FBXO31: variants seen among roughly 807,000 people sequenced by gnomAD.
FBXO31 encodes the protein F-box protein 31, also known as F-box only protein 31.
FBXO31 carries 24 observed loss-of-function variants against 54.4 expected under a neutral mutation model. That is an observed-to-expected ratio of 0.44 (90% CI 0.32 to 0.62). The LOEUF (loss-of-function observed/expected upper bound fraction) is 0.62. Among genes scored for constraint, FBXO31 ranks in the 20% least tolerant of loss-of-function variants. The pLI is 0.05. For missense variants in FBXO31, 665 were observed against 787.1 expected (o/e 0.84, Z 1.86); for synonymous variants, 388 against 335.6 (o/e 1.16, Z -1.71).
chr16:87,373,105 C>T (rs1382377050), intron 1 of FBXO31, among the ~76,000 whole-genome samples: 2 of 151,852 alleles, frequency 1.3e-5, no homozygotes, highest in East Asian at 3.9e-4. Context: ...GATCCTCCTG[C>T]CTCAGCCTCC....
intron 8 of FBXO31, among the ~76,000 whole-genome samples, chr16:87,332,713 C>T (rs1904906526): frequency 1.3e-5 from 2 of 149,096 alleles, no homozygotes; most frequent in East Asian, 4.0e-4. Flanking sequence ...CCTGTGGCAC[C>T]CTTCCCCCCA....
rs1904968892 is a variant in FBXO31, at chr16:87,334,207, T to G, written c.1076A>C (p.Asn359Thr). Residue 359 changes from asparagine (N) to threonine (T), a missense_variant, in exon 8 of 9, where the codon AAC becomes ACC. By Grantham distance (65) the Asn-to-Thr change is moderately conservative (BLOSUM62 0). Around this residue, in one of 4 missense-constraint regions of FBXO31, gnomAD observed 165 missense variants for 159.7 expected, o/e 1.03. Transcript: ENST00000311635. ...GGAGAGCTCATTGAAGTTGCGCTGGTTCTCGAGGTCGGGCAGCTGGATCCG... is the reference window on the plus strand; with the variant it reads ...GGAGAGCTCATTGAAGTTGCGCTGGGTCTCGAGGTCGGGCAGCTGGATCCG... ...RHRIQLPDLE[N>T]QRNFNELSRI... 1.2e-6 allele frequency: 2 copies of G among 1,612,324 alleles called. No homozygotes were observed. Among genetic ancestry groups the G allele is most frequent in the African/African-American group, 2.7e-5 (2 of 74,906 alleles).
At chr16:87,353,020 T>C (rs985429002) in intron 2 of FBXO31, among the ~76,000 whole-genome samples, 3 of 152,140 alleles carry the variant, frequency 2.0e-5, no homozygotes, top group African/African-American at 7.2e-5. Flanking sequence ...ACTAAAGGTG[T>C]TGGCCTGTGT....
chr16:87,363,257 G>A (rs1217612626), intron 1 of FBXO31, among the ~76,000 whole-genome samples: 1 of 152,162 alleles, frequency 6.6e-6, no homozygotes, highest in Non-Finnish European at 1.5e-5. Context: ...GGTGGTGCAT[G>A]CCTGTAATCC....
intron 1 of FBXO31, among the ~76,000 whole-genome samples, chr16:87,373,002 T>C (rs1398252913): frequency 6.7e-6 from 1 of 148,454 alleles, no homozygotes; most frequent in Non-Finnish European, 1.5e-5. Context: ...CCCAAAGTGC[T>C]GGGATTACAG....
At position 87,327,071 on chromosome 16, in the gene FBXO31, C is replaced by T. The variant is rs1904670084; in HGVS notation, c.*4217G>A. 6.6e-6 allele frequency: 1 copy of T among 152,374 alleles called. No homozygotes were observed. Among genetic ancestry groups the T allele is most frequent in the Non-Finnish European group, 1.5e-5 (1 of 68,146 alleles). The allele number at this position is 152,374 out of a possible 1,614,324, so 9.4% of individuals were successfully genotyped here. A position where few individuals can be genotyped will look rare whatever the true frequency, so the allele number is the denominator to read the frequency against. ...GGCGGCTGCCAGGATTGCTCCGGTC[C>T]TACCTAGTGGGTGCCTACCCAGGCA... On this transcript the variant is annotated 3_prime_UTR_variant, in exon 9 of 9. Transcript: ENST00000311635.
rs1372099647 is a variant in FBXO31 at position 87,359,382 on chromosome 16, A to T, written c.412+913T>A. Among the ~76,000 whole-genome samples, 2 of 152,138 alleles carry T rather than the reference A, an allele frequency of 1.3e-5. 1 individual carries two copies. The highest frequency in any genetic ancestry group is 4.1e-4 in the South Asian group (2 of 4,820). ...CTCAGGCAACACCTCCGACCCCCAC[A>T]GCTGGAAGGAGCATCCATGTGTACA... On this transcript the variant is annotated intron_variant, in intron 2 of 8. Coordinates refer to ENST00000311635, the MANE Select transcript of FBXO31 (RefSeq NM_024735.5).
At chr16:87,343,049 A>C in intron 4 of FBXO31, 98 bp from the exon 5 acceptor site, 1 of 1,011,454 alleles carries the variant, frequency 9.9e-7, no homozygotes, top group Non-Finnish European at 1.5e-6. Context: ...CTCCCTCACC[A>C]CACCCACCAA....
intron 1 of FBXO31, among the ~76,000 whole-genome samples, chr16:87,376,894 GAA>G: frequency 6.6e-6 from 1 of 152,314 alleles, no homozygotes; most frequent in South Asian, 2.1e-4. Context: ...TCAGGGCTCA[GAA>G]AACTAAGACC....
chr16:87,373,222 C>T (rs1239723962), intron 1 of FBXO31, among the ~76,000 whole-genome samples: 12 of 151,890 alleles, frequency 7.9e-5, no homozygotes, highest in Non-Finnish European at 1.5e-4. Flanking sequence ...GAGGCCGAGG[C>T]GGGCAGATCA....
In FBXO31 at chr16:87,347,376, C is replaced by A. The variant is rs894296262; in HGVS notation, c.413-126G>T. On this transcript the variant is annotated intron_variant, in intron 2 of 8. Coordinates refer to ENST00000311635, the MANE Select transcript of FBXO31 (RefSeq NM_024735.5). The stretch of plus-strand genomic sequence containing the variant: ...AAGGCTTGCAAGAGCCCTCCAAACA[C>A]ATGCACACCAAGCCTCTAAAGATGT... 3 of 777,684 alleles carry A rather than the reference C, an allele frequency of 3.9e-6. No homozygotes were observed. The Admixed American group carries it at 5.6e-5, about 15-fold the overall frequency. The allele number at this position is 777,684 out of a possible 1,614,324, so 48.2% of individuals were successfully genotyped here. A position where few individuals can be genotyped will look rare whatever the true frequency, so the allele number is the denominator to read the frequency against.
chr16:87,340,185 G>T (rs889657993), intron 5 of FBXO31, among the ~76,000 whole-genome samples: 93 of 152,202 alleles, frequency 6.1e-4, no homozygotes, highest in African/African-American at 2.1e-3. Flanking sequence ...TGGGAGTGAG[G>T]CTGAGGCAGG....
Position 87,346,174 on chromosome 16 carries a change from G to A in FBXO31, c.489+1000C>T, listed in dbSNP as rs941353311. 1.3e-5 allele frequency among the ~76,000 whole-genome samples: 2 copies of A among 152,178 alleles called. No individual in the cohort carries two copies. Among genetic ancestry groups the A allele is most frequent in the African/African-American group, 4.8e-5 (2 of 41,456 alleles). On this transcript the variant is annotated intron_variant, in intron 3 of 8. Transcript: ENST00000311635. This position sits in a 1 kb window ranked among gnomAD's most constrained non-coding sequence, Gnocchi z 4.2. ...AAGGAGAGAGACCCGGAATGAGAAC[G>A]GGACGCTTCCCCAAGCCTGAGACGC... is the stretch of plus-strand genomic sequence containing the variant.
chr16:87,371,113 G>C (rs945515085), intron 1 of FBXO31, among the ~76,000 whole-genome samples: 3 of 152,284 alleles, frequency 2.0e-5, no homozygotes, highest in Middle Eastern at 3.4e-3. Context: ...ATCCCCTCAG[G>C]ATAGAATGGA....
At chr16:87,356,744 G>A (rs1477314293) in intron 2 of FBXO31, among the ~76,000 whole-genome samples, 1 of 152,062 alleles carries the variant, frequency 6.6e-6, no homozygotes, top group Non-Finnish European at 1.5e-5. Context: ...TTTAGAAATC[G>A]GGCATTTATG....
rs757450172 is a variant in FBXO31 at position 87,334,101 on chromosome 16, C to T, written c.1182G>A (p.Arg394=). The change falls in exon 8 of 9, where the codon CGG becomes CGA. Residue 394 remains arginine (R), a synonymous_variant. Transcript: ENST00000311635. ...GGHEAGEGRG[R]QGPRESQPSP... ...TTGGCTGGGACTCCCGGGGGCCCTG[C>T]CGGCCACGACCCTCGCCCGCCTCGT... The T allele has an allele frequency of 3.2e-5, 52 of 1,609,890 alleles. No homozygotes were observed. The highest frequency in any genetic ancestry group is 4.4e-5 in the Non-Finnish European group (52 of 1,178,318).
intron 1 of FBXO31, among the ~76,000 whole-genome samples, chr16:87,381,845 A>T (rs1907092642): frequency 6.6e-6 from 1 of 152,150 alleles, no homozygotes; most frequent in Non-Finnish European, 1.5e-5. Context: ...CAACATAGTG[A>T]AACCCCCGTC....
chr16:87,342,784 C>T, intron 5 of FBXO31, 93 bp downstream of exon 5: 2 of 1,073,136 alleles, frequency 1.9e-6, no homozygotes, highest in South Asian at 1.7e-5. Flanking sequence ...AGGTCGCATG[C>T]TGCTGACTTC....
At chr16:87,384,549 G>A (rs78892102), upstream of FBXO31, among the ~76,000 whole-genome samples, 4,741 of 152,310 alleles carry the variant, frequency 0.031, 236 homozygotes, top group African/African-American at 0.1. Flanking sequence ...GCTCCGCCGA[G>A]GCCGCTGAGC....
Sources: gnomAD v4.1 joint callset for allele counts (sites outside exome capture counted in the v4.1 genomes callset) on GRCh38, gnomAD v4.1.1 for gene constraint, gnomAD v4.1.1 regional missense constraint, Gnocchi (gnomAD v3.1) non-coding constraint, MANE v1.5 for transcripts, NCBI Gene and HGNC (gene_info 2026-07-23, HGNC 2026-07-21) for gene names.